The following DCLRE1C variants were observed in gnomAD, a reference collection of about 807,000 sequenced individuals.
The protein encoded by DCLRE1C is protein artemis.
A neutral mutation model predicts 61.4 loss-of-function variants in DCLRE1C; 47 were observed. That is an observed-to-expected ratio of 0.77 (90% CI 0.61 to 0.98). The LOEUF (loss-of-function observed/expected upper bound fraction) is 0.98, where lower values mean the gene tolerates loss of function less well. Among genes scored for constraint, DCLRE1C ranks in the 50% least tolerant of loss-of-function variants. DCLRE1C has a pLI of 0.00. For missense variants in DCLRE1C, 858 were observed against 816.0 expected (o/e 1.05, Z -0.63); for synonymous variants, 337 against 287.6 (o/e 1.17, Z -1.74).
intron 2 of DCLRE1C, among the ~76,000 whole-genome samples, chr10:14,946,971 G>A (rs1841795493): frequency 6.6e-6 from 1 of 152,136 alleles, no homozygotes; most frequent in Non-Finnish European, 1.5e-5. Flanking sequence ...CAGCACTTTG[G>A]GAAGCCAAGG....
rs563180718 is a variant in DCLRE1C, at chr10:14,933,096, T to C, written c.679-141A>G. 5.4e-5 allele frequency: 48 copies of C among 896,390 alleles called. 1 individual carries two copies. Among genetic ancestry groups the C allele is most frequent in the South Asian group, 4.1e-4 (28 of 68,546 alleles). The allele number at this position is 896,390 out of a possible 1,614,324, so 55.5% of individuals were successfully genotyped here. ...TGAAAAGTAGTTTTTGGCTATTCAG[T>C]GCACTCTGGTATTCCGCCAGCATGT... On this transcript the variant is annotated intron_variant, in intron 8 of 13. Transcript: ENST00000378278.
At chr10:14,909,458 T>TA in intron 13 of DCLRE1C, 128 bp from the exon 14 acceptor site, 1 of 800,306 alleles carries the variant, frequency 1.2e-6, no homozygotes, top group African/African-American at 1.7e-5. Context: ...AGGGAAAAGA[T>TA]ATTCTTGGGA....
At chr10:14,922,901 C>T (rs1588983793) in intron 12 of DCLRE1C, 80 bp downstream of exon 12, 1 of 990,660 alleles carries the variant, frequency 1.0e-6, no homozygotes, top group East Asian at 2.4e-5. Context: ...GACTTGTAAA[C>T]ATTCAGGCAA....
At chr10:14,926,801 A>C in intron 11 of DCLRE1C, 42 bp downstream of exon 11, 1 of 1,524,260 alleles carries the variant, frequency 6.6e-7, no homozygotes, top group Non-Finnish European at 9.1e-7. Flanking sequence ...AGGCTGCAGA[A>C]CACTGAGCGA....
intron 12 of DCLRE1C, chr10:14,920,300 T>C: frequency 1.3e-6 from 1 of 781,992 alleles, no homozygotes; most frequent in Non-Finnish European, 1.6e-6. Flanking sequence ...CTTGTCATTC[T>C]AGGTCCTTAG....
chr10:14,953,123 T>C (rs1285836430), intron 1 of DCLRE1C, among the ~76,000 whole-genome samples: 2 of 152,214 alleles, frequency 1.3e-5, no homozygotes, highest in Non-Finnish European at 2.9e-5. Context: ...CAATTAACAC[T>C]AATGGCTGGG....
At chr10:14,912,903 G>A (rs1031704833) in intron 13 of DCLRE1C, among the ~76,000 whole-genome samples, 2 of 148,010 alleles carry the variant, frequency 1.4e-5, no homozygotes, top group Admixed American at 6.8e-5. Flanking sequence ...GGATGGTCTC[G>A]ATCTCTCTGA....
At chr10:14,926,614 A>C (rs1462645441) in intron 11 of DCLRE1C, among the ~76,000 whole-genome samples, 1 of 149,078 alleles carries the variant, frequency 6.7e-6, no homozygotes. Context: ...AGAACACACC[A>C]CTGTACCCCA....
intron 13 of DCLRE1C, among the ~76,000 whole-genome samples, chr10:14,918,215 A>G (rs1419206583): frequency 6.6e-6 from 1 of 152,234 alleles, no homozygotes; most frequent in Non-Finnish European, 1.5e-5. Context: ...AATAAGAAAG[A>G]CACTGGAAAC....
At chr10:14,920,380 C>G (rs906094657) in intron 12 of DCLRE1C, 14 of 1,025,444 alleles carry the variant, frequency 1.4e-5, no homozygotes, top group African/African-American at 1.7e-5. Flanking sequence ...GACGTCCTAC[C>G]CCTTTCGAAG....
In DCLRE1C at chr10:14,952,496, G is replaced by C. The variant is rs572790398; in HGVS notation, c.109+1406C>G. Among the ~76,000 whole-genome samples the C allele has an allele frequency of 3.9e-5, 6 of 152,268 alleles. No homozygotes were observed. The East Asian group carries it at 1.2e-3, about 29-fold the overall frequency. Reference sequence around the variant, plus strand: ...CCAGCTACTTGGGAGGCTGAGGCACGAGAATCGCTTGAACCCAGGAGGCGG... The same window carrying C: ...CCAGCTACTTGGGAGGCTGAGGCACCAGAATCGCTTGAACCCAGGAGGCGG... On this transcript the variant is annotated intron_variant, in intron 1 of 13. Transcript: ENST00000378278.
At chr10:14,934,223 G>C (rs1252099127) in intron 8 of DCLRE1C, among the ~76,000 whole-genome samples, 157 bp downstream of exon 8, 2 of 151,744 alleles carry the variant, frequency 1.3e-5, no homozygotes, top group Non-Finnish European at 2.9e-5. Flanking sequence ...AGCTACTCAG[G>C]AGGCTGAGCC....
At chr10:14,897,553 T>TG (rs757427268) in exon 14 of DCLRE1C, 7 of 1,472,188 alleles carry the variant, frequency 4.8e-6, no homozygotes, top group Non-Finnish European at 9.0e-7. Flanking sequence ...ATGATGGACA[T>TG]GCAAGGTTTA....
At chr10:14,935,388 C>A in intron 6 of DCLRE1C, 75 bp downstream of exon 6, 1 of 1,518,958 alleles carries the variant, frequency 6.6e-7, no homozygotes, top group Non-Finnish European at 9.1e-7. Context: ...ATCGCTTGAA[C>A]TCTGGGCGAC....
At chr10:14,899,822 T>C, downstream of DCLRE1C, 11 of 1,047,870 alleles carry the variant, frequency 1.0e-5, no homozygotes, top group Non-Finnish European at 1.3e-5. Context: ...GGAGGGCAGC[T>C]TCTGTTAAGT....
chr10:14,936,522 T>C lies in DCLRE1C; in HGVS notation c.362+16A>G. 6.2e-7 allele frequency: 1 copy of C among 1,605,010 alleles called. No homozygotes were observed. Among genetic ancestry groups the C allele is most frequent in the Non-Finnish European group, 8.5e-7 (1 of 1,172,102 alleles). ...GTCTACATATAATAAAATGACAAAA[T>C]AAATGACCCCCTTACATAACTGATC... is the stretch of plus-strand genomic sequence containing the variant. On this transcript the variant is annotated intron_variant, in intron 5 of 13. Transcript: ENST00000378278.
chr10:14,940,907 G>C (rs2131043349), intron 3 of DCLRE1C, among the ~76,000 whole-genome samples: 1 of 152,296 alleles, frequency 6.6e-6, no homozygotes, highest in South Asian at 2.1e-4. Context: ...TTTTGAGATA[G>C]GGTCTCGCTC....
At chr10:14,929,533 T>C (rs1417996788) in intron 9 of DCLRE1C, among the ~76,000 whole-genome samples, 3 of 151,454 alleles carry the variant, frequency 2.0e-5, no homozygotes, top group Non-Finnish European at 4.4e-5. Context: ...TCCCAGCTAT[T>C]CAGGAGGCCG....
chr10:14,945,878 G>A (rs912875179), intron 2 of DCLRE1C, among the ~76,000 whole-genome samples: 1 of 150,282 alleles, frequency 6.7e-6, no homozygotes, highest in Non-Finnish European at 1.5e-5. Context: ...GGCTGGTCTC[G>A]AACTCCTGAC....
Sources: gnomAD v4.1 joint callset for allele counts (sites outside exome capture counted in the v4.1 genomes callset) on GRCh38, gnomAD v4.1.1 for gene constraint, MANE v1.5 for transcripts, NCBI Gene and HGNC (gene_info 2026-07-23, HGNC 2026-07-21) for gene names.